The following CUBN variants were observed in gnomAD, a reference collection of about 807,000 sequenced individuals.
The protein encoded by CUBN is 460 kDa receptor.
In CUBN, 282 loss-of-function variants were observed where a neutral mutation model predicts 405.3. The observed-to-expected ratio is 0.70, with a 90% CI of 0.63 to 0.77. The LOEUF is 0.77. CUBN is among the 30% of genes least tolerant of loss of function. The pLI, the probability that CUBN is intolerant of heterozygous loss-of-function variation, is 0.00. For synonymous variants in CUBN, 1,684 were observed against 1,617.0 expected (o/e 1.04, Z -0.99); for missense variants, 4,514 against 4,475.2 (o/e 1.01, Z -0.25).
intron 31 of CUBN, among the ~76,000 whole-genome samples, chr10:16,956,253 A>C (rs1384942703): frequency 6.6e-6 from 1 of 152,078 alleles, no homozygotes; most frequent in Non-Finnish European, 1.5e-5. Context: ...TACAATAATA[A>C]GTTTAAAACA....
rs181236971 is a variant in CUBN, at chr10:17,029,265, C to T, written c.4018-9282G>A. ...AAATTAATGCAATCATACGAAAATCCTTCATTGTGAAAGATGGTCAGAAAA... is the reference window on the plus strand; with the variant it reads ...AAATTAATGCAATCATACGAAAATCTTTCATTGTGAAAGATGGTCAGAAAA... On this transcript the variant is annotated intron_variant, in intron 27 of 66. Transcript: ENST00000377833. Among the ~76,000 whole-genome samples the T allele has an allele frequency of 1.7e-4, 26 of 152,276 alleles. No individual in the cohort carries two copies. The East Asian group carries it at 4.6e-3, about 27-fold the overall frequency.
chr10:16,925,453 C>T (rs779776251), intron 42 of CUBN, 29 bp from the exon 43 acceptor site: 1 of 1,608,832 alleles, frequency 6.2e-7, no homozygotes, highest in African/African-American at 1.3e-5. Context: ...ATTTCATCAA[C>T]TCCTTTACAT....
chr10:16,928,168 G>C lies in CUBN; in HGVS notation c.6260C>G (p.Ser2087Cys), dbSNP rs376641725. Reference sequence around the variant, plus strand: ...TTTGAACTCATTACTCTTGTGAAAGGATGCATTGAAGCCTGCCCTGGTTAC... The same window carrying C: ...TTTGAACTCATTACTCTTGTGAAAGCATGCATTGAAGCCTGCCCTGGTTAC... ...SSVTRAGFNASFHKSCGGYLH... is the reference protein window; with the variant it reads ...SSVTRAGFNACFHKSCGGYLH... The change falls in exon 41 of 67, where the codon TCC becomes TGC. Residue 2087 changes from serine (S) to cysteine (C), a missense_variant. Physicochemically the swap from Ser to Cys is moderately radical, Grantham distance 112. Coordinates refer to ENST00000377833, the MANE Select transcript of CUBN (RefSeq NM_001081.4). 51 of 1,613,782 alleles carry C rather than the reference G, an allele frequency of 3.2e-5. No individual in the cohort carries two copies. In the African/African-American group the frequency reaches 6.0e-4, roughly 19 times the overall value.
intron 33 of CUBN, among the ~76,000 whole-genome samples, chr10:16,951,065 A>T (rs1357283753): frequency 6.6e-6 from 1 of 152,184 alleles, no homozygotes; most frequent in African/African-American, 2.4e-5. Flanking sequence ...TAAGCTCCCT[A>T]ATCTTCAGAA....
intron 31 of CUBN, among the ~76,000 whole-genome samples, chr10:16,976,503 AT>A (rs869150318): frequency 5.6e-4 from 17 of 30,510 alleles, no homozygotes; most frequent in African/African-American, 1.9e-3. Context: ...TGTTATTATT[AT>A]TTTTTTTTTA....
chr10:16,998,812 G>A (rs1367348339), intron 28 of CUBN, among the ~76,000 whole-genome samples: 1 of 152,168 alleles, frequency 6.6e-6, no homozygotes, highest in Non-Finnish European at 1.5e-5. Context: ...GAGAAAACTA[G>A]CAGCAAATAC....
At chr10:16,924,475 A>C (rs1842123955) in intron 43 of CUBN, among the ~76,000 whole-genome samples, 1 of 152,210 alleles carries the variant, frequency 6.6e-6, no homozygotes, top group Admixed American at 6.5e-5. Context: ...TAAATCTCAT[A>C]CAATGTGCAA....
chr10:17,008,463 T>TGC (rs796107852), intron 28 of CUBN, among the ~76,000 whole-genome samples: 3,999 of 145,530 alleles, frequency 0.027, 80 homozygotes, highest in African/African-American at 0.048. Context: ...TGTGTGTGTG[T>TGC]GCGCGCTTAG....
At chr10:17,121,848 T>C (rs1837048559) in intron 6 of CUBN, 1 of 152,142 alleles carries the variant, frequency 6.6e-6, no homozygotes, top group Admixed American at 6.5e-5. Context: ...TGCTCTTCAA[T>C]CCAGTGAGAT....
At chr10:17,090,986 T>C (rs190968176) in intron 14 of CUBN, among the ~76,000 whole-genome samples, 44 of 152,272 alleles carry the variant, frequency 2.9e-4, no homozygotes, top group Middle Eastern at 3.4e-3. Flanking sequence ...CCAGTACCAA[T>C]AGCCATCCGT....
At chr10:17,126,372 G>C (rs1837190980) in intron 4 of CUBN, among the ~76,000 whole-genome samples, 1 of 152,216 alleles carries the variant, frequency 6.6e-6, no homozygotes, top group Non-Finnish European at 1.5e-5. Context: ...GATACACCTA[G>C]ACTTCCGAGC....
At chr10:16,836,018 C>A (rs1177270875) in intron 63 of CUBN, among the ~76,000 whole-genome samples, 1 of 152,140 alleles carries the variant, frequency 6.6e-6, no homozygotes, top group Non-Finnish European at 1.5e-5. Context: ...AGCATTCTAA[C>A]CATCCTGGAT....
intron 22 of CUBN, among the ~76,000 whole-genome samples, chr10:17,061,023 TG>T: frequency 6.6e-6 from 1 of 152,136 alleles, no homozygotes; most frequent in East Asian, 1.9e-4. Context: ...CACTCCAGCC[TG>T]GGCAACAAGA....
chr10:17,055,671 C>T (rs1322222583), intron 22 of CUBN, among the ~76,000 whole-genome samples: 1 of 151,982 alleles, frequency 6.6e-6, no homozygotes, highest in Non-Finnish European at 1.5e-5. Context: ...TATGGCATGT[C>T]ATTTTATAAT....
chr10:16,836,097 T>A, intron 63 of CUBN, 138 bp downstream of exon 63: 1 of 838,478 alleles, frequency 1.2e-6, no homozygotes, highest in Non-Finnish European at 2.0e-6. Flanking sequence ...TGGGTTCTAG[T>A]TAAGAGAGGG....
chr10:16,952,296 A>T lies in CUBN; in HGVS notation c.4949T>A (p.Ile1650Asn). 1 of 1,613,270 alleles carries T rather than the reference A, an allele frequency of 6.2e-7. No individual in the cohort carries two copies. Among genetic ancestry groups the T allele is most frequent in the South Asian group, 1.1e-5 (1 of 91,066 alleles). Residue 1650 changes from isoleucine (I) to asparagine (N), a missense_variant, in exon 33 of 67, where the codon ATC (isoleucine) becomes AAC (asparagine). Ile to Asn is a moderately radical substitution (Grantham distance 149, BLOSUM62 -3). Around this residue, in one of 5 missense-constraint regions of CUBN, gnomAD observed 1,613 missense variants for 1,542.8 expected, o/e 1.05. Transcript: ENST00000377833. ...CTTACATGGAGGTTGCGCTTGAATGATCCAGCTGCAGTTCTGATTGTTTGG... is the reference window on the plus strand; with the variant it reads ...CTTACATGGAGGTTGCGCTTGAATGTTCCAGCTGCAGTTCTGATTGTTTGG... Reference protein sequence around the residue: ...NYPNNQNCSWIIQAQPPLNHI... With the variant: ...NYPNNQNCSWNIQAQPPLNHI...
chr10:16,918,419 A>T (rs1490797181), intron 45 of CUBN, among the ~76,000 whole-genome samples: 1 of 152,154 alleles, frequency 6.6e-6, no homozygotes, highest in Non-Finnish European at 1.5e-5. Flanking sequence ...CTTCCTATCC[A>T]TGAGCACGGA....
intron 28 of CUBN, 46 bp from the exon 29 acceptor site, chr10:16,990,561 C>G: frequency 6.4e-7 from 1 of 1,559,910 alleles, no homozygotes; most frequent in South Asian, 1.1e-5. Flanking sequence ...GGCAACAGCA[C>G]ATGGAAAATA....
At chr10:16,976,513 T>A (rs1448109575) in intron 31 of CUBN, among the ~76,000 whole-genome samples, 1 of 151,766 alleles carries the variant, frequency 6.6e-6, no homozygotes, top group East Asian at 1.9e-4. Context: ...ATTTTTTTTT[T>A]AGAAAAGTAC....
Sources: allele counts gnomAD v4.1 joint callset (sites outside exome capture counted in the v4.1 genomes callset), GRCh38; gene constraint gnomAD v4.1.1; regional missense constraint gnomAD v4.1.1; transcripts MANE v1.5; gene names NCBI Gene and HGNC (gene_info 2026-07-23, HGNC 2026-07-21).